The following ABCB1 variants were observed in gnomAD, a reference collection of about 807,000 sequenced individuals.
ABCB1 encodes ATP binding cassette subfamily B member 1.
In ABCB1, 69 loss-of-function variants were observed where a neutral mutation model predicts 142.0. The observed-to-expected ratio is 0.49, with a 90% CI of 0.40 to 0.59. ABCB1 has a LOEUF of 0.59. Among genes scored for constraint, ABCB1 ranks in the 20% least tolerant of loss-of-function variants. ABCB1 has a pLI of 0.00. For missense variants in ABCB1, 1,326 were observed against 1,554.7 expected (o/e 0.85, Z 2.47); for synonymous variants, 532 against 539.2 (o/e 0.99, Z 0.18).
intron 5 of ABCB1, 62 bp downstream of exon 5, chr7:87,570,110 A>T (rs1817976694): frequency 2.7e-6 from 4 of 1,472,204 alleles, no homozygotes; most frequent in Non-Finnish European, 3.8e-6. Flanking sequence ...AAAGTTTTAA[A>T]CATTTCTACA....
intron 1 of ABCB1, among the ~76,000 whole-genome samples, chr7:87,687,284 G>A (rs2130624436): frequency 6.6e-6 from 1 of 152,170 alleles, no homozygotes; most frequent in South Asian, 2.1e-4. Flanking sequence ...TGCACTGGCT[G>A]TTTACTGTGT....
At chr7:87,533,674 G>T (rs1363325965) in intron 20 of ABCB1, among the ~76,000 whole-genome samples, 1 of 152,148 alleles carries the variant, frequency 6.6e-6, no homozygotes, top group African/African-American at 2.4e-5. Context: ...GAAGAGCACA[G>T]ATTAGTAGCC....
In ABCB1 at chr7:87,618,821, A is replaced by G. The variant is rs147749295; in HGVS notation, c.-330-17743T>C. Among the ~76,000 whole-genome samples the G allele has an allele frequency of 4.1e-4, 62 of 152,312 alleles. No individual in the cohort carries two copies. In the East Asian group the frequency reaches 8.7e-3, roughly 21 times the overall value. ...GGGGTAGAAGAAGTCAGAAATTTGA[A>G]TCATGAAATTTGATAGATGGAGGAA... On this transcript the variant is annotated intron_variant, in intron 1 of 28. Transcript: ENST00000265724.
At chr7:87,536,797 G>T (rs1344477521) in intron 19 of ABCB1, among the ~76,000 whole-genome samples, 1 of 152,140 alleles carries the variant, frequency 6.6e-6, no homozygotes, top group Non-Finnish European at 1.5e-5. Flanking sequence ...GAACAAAAAA[G>T]ACAAAGTAGC....
Position 87,515,261 on chromosome 7 carries a change from C to T in ABCB1, c.3252G>A (p.Glu1084=), listed in dbSNP as rs752412553. Residue 1084 remains glutamate, a synonymous_variant, in exon 25 of 28, where the codon GAG becomes GAA. Transcript: ENST00000622132. ...CGKSTVVQLL[E]RFYDPLAGKV... ...TCCCTGCCAAGGGGTCGTAGAACCG[C>T]TCCAGGAGCTGGACCACTGTGCTCT... The T allele has an allele frequency of 1.9e-6, 3 of 1,614,056 alleles. No individual in the cohort carries two copies. The highest frequency in any genetic ancestry group is 2.5e-6 in the Non-Finnish European group (3 of 1,180,022).
intron 20 of ABCB1, 24 bp downstream of exon 20, chr7:87,536,432 AAC>A: frequency 6.2e-7 from 1 of 1,609,170 alleles, no homozygotes; most frequent in Non-Finnish European, 8.5e-7. Flanking sequence ...AATTAAGACA[AAC>A]ACCAGTAGAA....
intron 1 of ABCB1, among the ~76,000 whole-genome samples, chr7:87,647,489 A>G (rs1823127454): frequency 6.6e-6 from 1 of 152,232 alleles, no homozygotes; most frequent in African/African-American, 2.4e-5. Context: ...AAACATTGCT[A>G]CATTTTTCTT....
intron 1 of ABCB1, among the ~76,000 whole-genome samples, chr7:87,687,416 T>G (rs1171871992): frequency 1.3e-5 from 2 of 152,140 alleles, no homozygotes; most frequent in Non-Finnish European, 2.9e-5. Flanking sequence ...CCTTTCAACC[T>G]CAAGCACTCC....
At chr7:87,624,209 C>T (rs945998011) in intron 1 of ABCB1, among the ~76,000 whole-genome samples, 4 of 152,108 alleles carry the variant, frequency 2.6e-5, no homozygotes, top group Non-Finnish European at 4.4e-5. Context: ...ACATGTGAGA[C>T]GTGCCTCACC....
chr7:87,659,120 C>A, intron 1 of ABCB1: 1 of 318,348 alleles, frequency 3.1e-6, no homozygotes, highest in Non-Finnish European at 6.1e-6. Context: ...TGCCATCATG[C>A]CACTGCAATC....
intron 1 of ABCB1, among the ~76,000 whole-genome samples, chr7:87,617,255 T>C (rs1820061366): frequency 6.6e-6 from 1 of 152,202 alleles, no homozygotes; most frequent in Admixed American, 6.5e-5. Flanking sequence ...CCTTTAAACA[T>C]TGTCAGTTGT....
chr7:87,634,942 A>C (rs1454087950), intron 1 of ABCB1, among the ~76,000 whole-genome samples: 1 of 152,176 alleles, frequency 6.6e-6, no homozygotes, highest in African/African-American at 2.4e-5. Context: ...CTAGTCCTAG[A>C]GTAGACATTT....
intron 1 of ABCB1, among the ~76,000 whole-genome samples, chr7:87,658,933 CT>C (rs1324003950): frequency 6.6e-6 from 1 of 152,184 alleles, no homozygotes; most frequent in East Asian, 1.9e-4. Flanking sequence ...AAGCGGATCA[CT>C]TGAGCTCAGT....
chr7:87,600,223 C>G, intron 1 of ABCB1, 33 bp from the exon 2 acceptor site: 1 of 1,583,412 alleles, frequency 6.3e-7, no homozygotes, highest in Non-Finnish European at 8.7e-7. Flanking sequence ...TAGCCAAATG[C>G]ATGAGCCTCA....
chr7:87,553,690 G>A lies in ABCB1; in HGVS notation c.999+71C>T. 1.5e-5 allele frequency: 22 copies of A among 1,486,796 alleles called. No homozygotes were observed. The South Asian group carries it at 2.5e-4, about 17-fold the overall frequency. The allele number at this position is 1,486,796 out of a possible 1,614,324, so 92.1% of individuals were successfully genotyped here. A position where few individuals can be genotyped will look rare whatever the true frequency, so the allele number is the denominator to read the frequency against. The stretch of plus-strand genomic sequence containing the variant: ...GTTGTTCAAAATATATTCTTCTAAA[G>A]TCAAGCCAACATTACTGGATTTCAT... On this transcript the variant is annotated intron_variant, in intron 9 of 27. Coordinates refer to ENST00000622132, the MANE Select transcript of ABCB1 (RefSeq NM_001348946.2).
chr7:87,665,401 T>C (rs182443607), intron 1 of ABCB1, among the ~76,000 whole-genome samples: 34 of 152,236 alleles, frequency 2.2e-4, no homozygotes, highest in African/African-American at 7.9e-4. Context: ...CTCTGTACAC[T>C]GAAAGTTACT....
At chr7:87,552,129 TTG>T (rs1451310172) in intron 9 of ABCB1, among the ~76,000 whole-genome samples, 2 of 152,228 alleles carry the variant, frequency 1.3e-5, no homozygotes, top group Non-Finnish European at 1.5e-5. Flanking sequence ...CTTTATCAGG[TTG>T]TCTTTTTTGC....
At chr7:87,551,544 T>A (rs1352272828) in intron 9 of ABCB1, among the ~76,000 whole-genome samples, 1 of 152,210 alleles carries the variant, frequency 6.6e-6, no homozygotes, top group African/African-American at 2.4e-5. Context: ...CAGCCTGGAC[T>A]GCAGTGGTGC....
At chr7:87,627,851 G>C (rs766431223) in intron 1 of ABCB1, 2 of 152,270 alleles carry the variant, frequency 1.3e-5, no homozygotes, top group South Asian at 4.1e-4. Flanking sequence ...TGCGCTGGAG[G>C]CTGAGGTGGG....
Sources: allele counts gnomAD v4.1 joint callset (sites outside exome capture counted in the v4.1 genomes callset), GRCh38; gene constraint gnomAD v4.1.1; transcripts MANE v1.5; gene names NCBI Gene and HGNC (gene_info 2026-07-23, HGNC 2026-07-21).